The following CMIP variants were observed in gnomAD, a reference collection of about 807,000 sequenced individuals.
CMIP encodes the protein C-Maf-inducing protein.
CMIP carries 13 observed loss-of-function variants against 97.3 expected under a neutral mutation model. The ratio of observed to expected loss-of-function variants is 0.13; its 90% CI spans 0.09 to 0.21. The LOEUF (loss-of-function observed/expected upper bound fraction) is 0.21. Ranked by LOEUF, CMIP falls within the 10% of genes least tolerant of loss-of-function variation. The pLI is 1.00. For missense variants in CMIP, 847 were observed against 1,024.9 expected (o/e 0.83, Z 2.37); for synonymous variants, 538 against 436.3 (o/e 1.23, Z -2.91).
At chr16:81,562,505 C>A (rs970686397) in intron 1 of CMIP, among the ~76,000 whole-genome samples, 1 of 152,260 alleles carries the variant, frequency 6.6e-6, no homozygotes, top group African/African-American at 2.4e-5. Flanking sequence ...AGCTGCGGGC[C>A]TCTTGGACCA....
chr16:81,509,413 G>A (rs1420102624), intron 1 of CMIP, among the ~76,000 whole-genome samples: 1 of 152,180 alleles, frequency 6.6e-6, no homozygotes, highest in East Asian at 1.9e-4. Context: ...TGGGAGTTTG[G>A]CTTTGGAGAT....
chr16:81,650,492 G>A (rs1158859036), intron 3 of CMIP, among the ~76,000 whole-genome samples: 2 of 152,094 alleles, frequency 1.3e-5, no homozygotes, highest in Non-Finnish European at 2.9e-5. Context: ...ATGGGCGGGG[G>A]GAATGAAAAC....
chr16:81,582,325 T>C (rs1403696581), intron 1 of CMIP, among the ~76,000 whole-genome samples: 1 of 152,132 alleles, frequency 6.6e-6, no homozygotes, highest in Non-Finnish European at 1.5e-5. Context: ...TTTGCCAACT[T>C]GCCAGGGTGT....
At chr16:81,471,323 T>C (rs554846314) in intron 1 of CMIP, among the ~76,000 whole-genome samples, 2 of 152,066 alleles carry the variant, frequency 1.3e-5, no homozygotes, top group African/African-American at 2.4e-5. Flanking sequence ...CACGCACACA[T>C]ATGCACACAT....
intron 1 of CMIP, among the ~76,000 whole-genome samples, chr16:81,536,083 C>T (rs1267389032): frequency 6.6e-6 from 1 of 152,200 alleles, no homozygotes; most frequent in African/African-American, 2.4e-5. Context: ...GAAGCATCCC[C>T]CGACCCCTGG....
chr16:81,645,659 C>T, intron 3 of CMIP: 1 of 1,518,596 alleles, frequency 6.6e-7, no homozygotes, highest in Non-Finnish European at 8.8e-7. Flanking sequence ...GCTGACTCTG[C>T]CAGACGGGAA....
chr16:81,694,812 T>C (rs184878604), intron 13 of CMIP, among the ~76,000 whole-genome samples: 10 of 152,308 alleles, frequency 6.6e-5, no homozygotes, highest in Non-Finnish European at 1.3e-4. Context: ...AAGACTCTAG[T>C]TCCAAAACAC....
chr16:81,624,511 A>G (rs1033285760), intron 3 of CMIP, among the ~76,000 whole-genome samples: 7 of 150,246 alleles, frequency 4.7e-5, no homozygotes, highest in African/African-American at 1.7e-4. Flanking sequence ...AAAAAATGCC[A>G]CCTCCTAAAT....
chr16:81,594,877 G>A (rs1030117239), intron 1 of CMIP, among the ~76,000 whole-genome samples: 1 of 145,780 alleles, frequency 6.9e-6, no homozygotes, highest in African/African-American at 2.6e-5. Context: ...TGATCCGCCC[G>A]CCTCGGCCTC....
intron 14 of CMIP, chr16:81,697,433 G>T (rs779557387): frequency 6.6e-6 from 1 of 152,224 alleles, no homozygotes. Context: ...CAGCAGCCTC[G>T]CCGACTCCAC....
At chr16:81,540,669 TGTG>T (rs1567568295) in intron 1 of CMIP, among the ~76,000 whole-genome samples, 1 of 151,286 alleles carries the variant, frequency 6.6e-6, no homozygotes, top group African/African-American at 2.4e-5. Flanking sequence ...TGTGTGTGTG[TGTG>T]TGTGTGTGTG....
chr16:81,533,654 A>G (rs977151238), intron 1 of CMIP, among the ~76,000 whole-genome samples: 2 of 151,716 alleles, frequency 1.3e-5, no homozygotes. Flanking sequence ...AATTTTTTGT[A>G]TTTTAGTAGA....
chr16:81,672,328 A>G lies in CMIP; in HGVS notation c.1034+258A>G, dbSNP rs1318436255. Among the ~76,000 whole-genome samples the G allele has an allele frequency of 5.9e-5, 9 of 152,344 alleles. No homozygotes were observed. In the East Asian group the frequency reaches 1.5e-3, roughly 26 times the overall value. On this transcript the variant is annotated intron_variant, in intron 9 of 20. Transcript: ENST00000537098. ...TAGAGCTGCTTGGCTTTAGGGACAG[A>G]TGTTTTATGCTGAAGATTTCTCACC...
chr16:81,473,315 G>A (rs1907673034), intron 1 of CMIP, among the ~76,000 whole-genome samples: 1 of 152,218 alleles, frequency 6.6e-6, no homozygotes, highest in African/African-American at 2.4e-5. Flanking sequence ...AGAAAGGGCA[G>A]GGGGTGTCAG....
chr16:81,586,683 G>A (rs74031207), intron 1 of CMIP, among the ~76,000 whole-genome samples: 4,516 of 151,936 alleles, frequency 0.03, 223 homozygotes, highest in African/African-American at 0.1. Context: ...CTCAAACATC[G>A]CATACTCTCT....
At chr16:81,668,421 C>T (rs1331490236) in intron 7 of CMIP, among the ~76,000 whole-genome samples, 2 of 152,176 alleles carry the variant, frequency 1.3e-5, no homozygotes, top group Non-Finnish European at 2.9e-5. Context: ...CCTGGCAAGC[C>T]CCAAGCCCCC....
intron 1 of CMIP, among the ~76,000 whole-genome samples, chr16:81,556,285 C>T (rs969735371): frequency 7.9e-5 from 12 of 152,062 alleles, no homozygotes; most frequent in African/African-American, 2.7e-4. Flanking sequence ...GAGGTGGCGG[C>T]GGGCACTAGG....
intron 9 of CMIP, among the ~76,000 whole-genome samples, chr16:81,675,286 C>G (rs1448834124): frequency 6.6e-6 from 1 of 152,160 alleles, no homozygotes; most frequent in Admixed American, 6.5e-5. Context: ...TCACTGCAAC[C>G]TCTGCCTCCT....
At position 81,637,893 on chromosome 16, in the gene CMIP, G is replaced by T. The variant is rs560235546; in HGVS notation, c.478-14310G>T. On this transcript the variant is annotated intron_variant, in intron 3 of 20. Transcript: ENST00000537098. Reference sequence around the variant, plus strand: ...GGGCTCGCTCCCTGCGTCACAGAGGGTGCCTTCTCGCTGTGTCTCACATGG... The same window carrying T: ...GGGCTCGCTCCCTGCGTCACAGAGGTTGCCTTCTCGCTGTGTCTCACATGG... 1.4e-4 allele frequency among the ~76,000 whole-genome samples: 21 copies of T among 152,224 alleles called. 1 individual carries two copies. The South Asian group carries it at 4.4e-3, about 32-fold the overall frequency.
Sources: gnomAD v4.1 joint callset for allele counts (sites outside exome capture counted in the v4.1 genomes callset) on GRCh38, gnomAD v4.1.1 for gene constraint, MANE v1.5 for transcripts, NCBI Gene and HGNC (gene_info 2026-07-23, HGNC 2026-07-21) for gene names.